NDE1: variants seen among roughly 807,000 people sequenced by gnomAD.
The protein encoded by NDE1 is nuclear distribution protein nudE homolog 1.
A neutral mutation model predicts 43.4 loss-of-function variants in NDE1; 28 were observed. The observed-to-expected ratio is 0.65, with a 90% CI of 0.48 to 0.89. The LOEUF is 0.89. Ranked by LOEUF, NDE1 falls within the 40% of genes least tolerant of loss-of-function variation. NDE1 has a pLI of 0.00. For missense variants in NDE1, 441 were observed against 434.1 expected, an observed-to-expected ratio of 1.02 and a Z score of -0.14; for synonymous variants, 184 against 172.0, an observed-to-expected ratio of 1.07 and a Z score of -0.55.
intron 3 of NDE1, among the ~76,000 whole-genome samples, chr16:15,670,950 A>G (rs954006742): frequency 2.0e-5 from 3 of 152,156 alleles, no homozygotes; most frequent in African/African-American, 7.2e-5. Flanking sequence ...TTGAAGCTGA[A>G]GCTTTCTGTT....
Position 15,719,513 on chromosome 16 carries a change from C to T in NDE1, c.948-4678C>T, listed in dbSNP as rs1004548641. 2.5e-6 allele frequency: 4 copies of T among 1,607,800 alleles called. 1 individual carries two copies. In the Admixed American group the frequency reaches 6.7e-5, roughly 27 times the overall value. On this transcript the variant is annotated intron_variant, in intron 8 of 8. Coordinates refer to ENST00000396354, the MANE Select transcript of NDE1 (RefSeq NM_017668.3). ...GGACGAAATGAAATCTGGGAATGCA[C>T]AGACTGGAGCTGCCAAGGGGTGCTA...
chr16:15,678,027 T>TG, intron 4 of NDE1, 78 bp downstream of exon 4: 3 of 1,529,786 alleles, frequency 2.0e-6, no homozygotes, highest in Non-Finnish European at 2.7e-6. Flanking sequence ...TACTGGGCCC[T>TG]GTGCTGAGTA....
In NDE1 at chr16:15,668,984, C is replaced by T. The variant is rs138118204; in HGVS notation, c.237+1545C>T. 7.0e-3 allele frequency among the ~76,000 whole-genome samples: 1,071 copies of T among 152,020 alleles called. 13 individuals are homozygous for T. Among genetic ancestry groups the T allele is most frequent in the African/African-American group, 0.025 (1,038 of 41,458 alleles). On this transcript the variant is annotated intron_variant, in intron 3 of 8. Coordinates refer to ENST00000396354, the MANE Select transcript of NDE1 (RefSeq NM_017668.3). ...GCGCGATCTCGGCTCACTGCAAGCTCCGCCTCCCAGGTTCACACCATTCTC... is the reference window on the plus strand; with the variant it reads ...GCGCGATCTCGGCTCACTGCAAGCTTCGCCTCCCAGGTTCACACCATTCTC...
At chr16:15,679,039 T>C (rs2038036239) in intron 4 of NDE1, among the ~76,000 whole-genome samples, 1 of 152,090 alleles carries the variant, frequency 6.6e-6, no homozygotes, top group Non-Finnish European at 1.5e-5. Context: ...ATTGCGCCAC[T>C]GCACTCCAGC....
chr16:15,688,104 A>C (rs1567649644), intron 5 of NDE1, among the ~76,000 whole-genome samples: 2 of 152,180 alleles, frequency 1.3e-5, no homozygotes, highest in African/African-American at 4.8e-5. Flanking sequence ...TCAGCCCAGG[A>C]GGTGGAGTAT....
chr16:15,651,218 C>G (rs922927281), intron 1 of NDE1, among the ~76,000 whole-genome samples: 1 of 152,160 alleles, frequency 6.6e-6, no homozygotes, highest in Non-Finnish European at 1.5e-5. Context: ...TACTTTGAGC[C>G]TCAGGCCCCT....
At chr16:15,703,346 G>A (rs2039287016) in intron 8 of NDE1, 2 of 233,836 alleles carry the variant, frequency 8.6e-6, no homozygotes, top group African/African-American at 4.4e-5. Context: ...AGTTGGAAAG[G>A]TTTGCAGGTT....
chr16:15,657,417 A>T (rs1392969061), intron 1 of NDE1, among the ~76,000 whole-genome samples: 1 of 152,008 alleles, frequency 6.6e-6, no homozygotes, highest in Admixed American at 6.6e-5. Context: ...CTTAATGGCC[A>T]CACAGTGCTC....
chr16:15,719,344 G>T (rs752828099), intron 8 of NDE1: 1 of 1,600,702 alleles, frequency 6.2e-7, no homozygotes, highest in South Asian at 1.1e-5. Context: ...GTCTGCCAGG[G>T]AAAGGCCAAG....
intron 8 of NDE1, among the ~76,000 whole-genome samples, chr16:15,705,441 CAGA>C (rs772860184): frequency 8.5e-5 from 13 of 152,292 alleles, no homozygotes; most frequent in South Asian, 4.1e-4. Flanking sequence ...AGAGAGTGGG[CAGA>C]AGAAGGAAAA....
chr16:15,703,828 G>A (rs769477595), intron 8 of NDE1: 29 of 933,518 alleles, frequency 3.1e-5, no homozygotes, highest in Non-Finnish European at 4.8e-5. Context: ...TATATTCCTT[G>A]TGTGAGGGGT....
At chr16:15,709,602 A>G (rs1262053277) in intron 8 of NDE1, among the ~76,000 whole-genome samples, 1 of 152,216 alleles carries the variant, frequency 6.6e-6, no homozygotes, top group Non-Finnish European at 1.5e-5. Flanking sequence ...GGTGTGAGCC[A>G]CTGCACCCGG....
chr16:15,680,406 C>T (rs2038116051), intron 4 of NDE1, among the ~76,000 whole-genome samples: 1 of 152,142 alleles, frequency 6.6e-6, no homozygotes, highest in Non-Finnish European at 1.5e-5. Context: ...TTTCCAGTTC[C>T]TGCCAGTGCA....
chr16:15,695,866 T>A, intron 7 of NDE1: 1 of 241,968 alleles, frequency 4.1e-6, no homozygotes, highest in Non-Finnish European at 6.6e-6. Context: ...GGGTCTGTTG[T>A]AGCCAGACCA....
intron 4 of NDE1, chr16:15,686,531 T>C (rs1238321461): frequency 2.0e-6 from 2 of 985,086 alleles, no homozygotes; most frequent in South Asian, 4.7e-5. Flanking sequence ...GTGCATCTTA[T>C]GCCTGGCACA....
intron 8 of NDE1, among the ~76,000 whole-genome samples, chr16:15,715,701 C>A (rs775610304): frequency 2.0e-5 from 3 of 152,154 alleles, no homozygotes; most frequent in Non-Finnish European, 4.4e-5. Flanking sequence ...AATGCCTGCT[C>A]TTCACCCTAG....
chr16:15,666,943 T>A (rs2037336678), intron 2 of NDE1, among the ~76,000 whole-genome samples: 2 of 152,142 alleles, frequency 1.3e-5, no homozygotes, highest in Non-Finnish European at 2.9e-5. Context: ...GCTTGATATT[T>A]TTAAAATATT....
At chr16:15,652,896 G>C (rs1023053397) in intron 1 of NDE1, among the ~76,000 whole-genome samples, 1 of 152,068 alleles carries the variant, frequency 6.6e-6, no homozygotes, top group Non-Finnish European at 1.5e-5. Flanking sequence ...GAACTCCTGG[G>C]TTCAAGCGAT....
At chr16:15,670,734 A>G (rs1248978222) in intron 3 of NDE1, among the ~76,000 whole-genome samples, 2 of 151,706 alleles carry the variant, frequency 1.3e-5, no homozygotes, top group African/African-American at 4.8e-5. Flanking sequence ...TTGTAGGTGT[A>G]TGTGTTGCTG....
Sources: allele counts gnomAD v4.1 joint callset (sites outside exome capture counted in the v4.1 genomes callset), GRCh38; gene constraint gnomAD v4.1.1; transcripts MANE v1.5; gene names NCBI Gene and HGNC (gene_info 2026-07-23, HGNC 2026-07-21).